Variants in NFX1 observed in about 807,000 individuals in gnomAD.
NFX1 encodes the protein nuclear transcription factor, X-box binding 1.
A neutral mutation model predicts 137.2 loss-of-function variants in NFX1; 69 were observed. The ratio of observed to expected loss-of-function variants is 0.50; its 90% confidence interval spans 0.41 to 0.61. The LOEUF (loss-of-function observed/expected upper bound fraction) is 0.61, where lower values mean the gene tolerates loss of function less well. NFX1 is among the 20% of genes least tolerant of loss of function. The pLI is 0.00. For missense variants in NFX1, 1,167 were observed against 1,391.0 expected (o/e 0.84, Z 2.56); for synonymous variants, 495 against 474.1 (o/e 1.04, Z -0.57).
chr9:33,343,150 T>C (rs968490255), intron 13 of NFX1, among the ~76,000 whole-genome samples: 6 of 152,176 alleles, frequency 3.9e-5, no homozygotes, highest in Admixed American at 3.9e-4. Flanking sequence ...AACAATCTTC[T>C]TTCTCTATAT....
At position 33,370,092 on chromosome 9, in the gene NFX1, T is replaced by A. The variant is rs1379029058; in HGVS notation, c.*114T>A. ...CTGGCAGAATCACAGTCTCACATAC[T>A]GTCTTGTACTGACACATCCAAAGCA... On this transcript the variant is annotated 3_prime_UTR_variant, in exon 24 of 24. Transcript: ENST00000379540. 1.4e-6 allele frequency: 1 copy of A among 731,218 alleles called. No homozygotes were observed. Among genetic ancestry groups the A allele is most frequent in the Non-Finnish European group, 2.3e-6 (1 of 428,804 alleles). The allele number at this position is 731,218 out of a possible 1,614,324, so 45.3% of individuals were successfully genotyped here.
At chr9:33,293,050 A>G (rs1310310708) in intron 1 of NFX1, among the ~76,000 whole-genome samples, 1 of 152,138 alleles carries the variant, frequency 6.6e-6, no homozygotes, top group African/African-American at 2.4e-5. Flanking sequence ...GTGAGAGGTT[A>G]CTCTATGACC....
In NFX1 at chr9:33,332,396, C is replaced by T; in HGVS notation, c.2005-76C>T. ...TGGGATATTTGGGATATTCTTGTTA[C>T]CTATGGCATTATATTATAGTTGTAT... On this transcript the variant is annotated intron_variant, in intron 10 of 23. Transcript: ENST00000379540. 2.9e-6 allele frequency: 4 copies of T among 1,362,640 alleles called. No homozygotes were observed. The South Asian group carries it at 4.9e-5, about 17-fold the overall frequency. 84.4% of individuals were successfully genotyped at this position (1,362,640 alleles called of 1,614,324 possible).
chr9:33,358,482 T>C (rs1823885831), intron 19 of NFX1, among the ~76,000 whole-genome samples: 1 of 151,898 alleles, frequency 6.6e-6, no homozygotes, highest in Non-Finnish European at 1.5e-5. Flanking sequence ...TTTTGTTTAT[T>C]TTGTTTTTGA....
At chr9:33,352,912 A>G in intron 17 of NFX1, 193 bp downstream of exon 17, 1 of 541,782 alleles carries the variant, frequency 1.8e-6, no homozygotes, top group Non-Finnish European at 3.3e-6. Context: ...ACTTTTCTAA[A>G]AGCTGGAAAG....
rs146425876 is a variant in NFX1, at chr9:33,352,003, C to T, written c.2655+213C>T. ...TGATTCAGCAGGTACCCACTGCCACCGGACCACAGTCTGTGTCTCCCTTGG... is the reference window on the plus strand; with the variant it reads ...TGATTCAGCAGGTACCCACTGCCACTGGACCACAGTCTGTGTCTCCCTTGG... On this transcript the variant is annotated intron_variant, in intron 16 of 23. Transcript: ENST00000379540. The T allele has an allele frequency of 1.1e-4, 53 of 497,424 alleles. 1 individual carries two copies. The highest frequency in any genetic ancestry group is 9.9e-4 in the South Asian group (29 of 29,192). The allele number at this position is 497,424 out of a possible 1,614,324, so 30.8% of individuals were successfully genotyped here. A position where few individuals can be genotyped will look rare whatever the true frequency, so the allele number is the denominator to read the frequency against.
At chr9:33,320,320 T>C (rs1014661450) in intron 9 of NFX1, among the ~76,000 whole-genome samples, 6 of 152,158 alleles carry the variant, frequency 3.9e-5, no homozygotes, top group African/African-American at 1.4e-4. Flanking sequence ...TTACTGAAGG[T>C]GTTGTAATTT....
At chr9:33,343,529 A>G (rs1823302478) in intron 13 of NFX1, among the ~76,000 whole-genome samples, 1 of 152,190 alleles carries the variant, frequency 6.6e-6, no homozygotes. Context: ...GAGTATTTTA[A>G]AGATGTTTTC....
Position 33,319,042 on chromosome 9 carries a change from T to G in NFX1, c.1821T>G (p.Leu607=). 1 of 1,614,210 alleles carries G rather than the reference T, an allele frequency of 6.2e-7. No individual in the cohort carries two copies. Among genetic ancestry groups the G allele is most frequent in the Non-Finnish European group, 8.5e-7 (1 of 1,180,032 alleles). Residue 607 remains leucine, a synonymous_variant, in exon 9 of 24, where the codon CTT becomes CTG. Coordinates refer to ENST00000379540, the MANE Select transcript of NFX1 (RefSeq NM_002504.6). ...CTCCTCTCAGCCAATTGCTAGAACTTGGAAGTAGTAGTCGGAAAACATGCA... is the reference window on the plus strand; with the variant it reads ...CTCCTCTCAGCCAATTGCTAGAACTGGGAAGTAGTAGTCGGAAAACATGCA... ...GQTPLSQLLE[L]GSSSRKTCMD... is the part of the protein sequence containing the mutation.
chr9:33,328,338 G>A (rs1053071133), intron 9 of NFX1, among the ~76,000 whole-genome samples: 1 of 151,908 alleles, frequency 6.6e-6, no homozygotes, highest in Non-Finnish European at 1.5e-5. Context: ...TTTTGACTTA[G>A]GCAAATCGTC....
At chr9:33,331,969 A>G (rs894462008) in intron 10 of NFX1, among the ~76,000 whole-genome samples, 1 of 152,202 alleles carries the variant, frequency 6.6e-6, no homozygotes, top group Non-Finnish European at 1.5e-5. Flanking sequence ...TTAGAGGCCA[A>G]ACCAAAGATC....
intron 10 of NFX1, among the ~76,000 whole-genome samples, chr9:33,330,555 C>A (rs977388525): frequency 2.0e-5 from 3 of 152,130 alleles, no homozygotes; most frequent in African/African-American, 7.2e-5. Flanking sequence ...ATTTGGCAAT[C>A]ATAAATTTAG....
intron 21 of NFX1, among the ~76,000 whole-genome samples, chr9:33,366,385 C>T (rs2118703968): frequency 6.6e-6 from 1 of 152,300 alleles, no homozygotes; most frequent in East Asian, 1.9e-4. Context: ...AGTTCACTTA[C>T]CCTTTGTCCC....
chr9:33,369,838 CT>C, intron 23 of NFX1, 67 bp from the exon 24 acceptor site: 1 of 1,113,182 alleles, frequency 9.0e-7, no homozygotes, highest in Non-Finnish European at 1.4e-6. Flanking sequence ...TGATCCTTAA[CT>C]TTCTGAAGTC....
chr9:33,311,584 G>A (rs867365490), intron 6 of NFX1, among the ~76,000 whole-genome samples: 2 of 151,474 alleles, frequency 1.3e-5, no homozygotes, highest in Middle Eastern at 3.4e-3. Context: ...ACGGAGTCTC[G>A]GTCTGTCACC....
At chr9:33,299,421 A>G (rs566151738) in intron 2 of NFX1, among the ~76,000 whole-genome samples, 1 of 152,214 alleles carries the variant, frequency 6.6e-6, no homozygotes, top group South Asian at 2.1e-4. Context: ...ATTTGGTTAA[A>G]TTTCTGTAAT....
chr9:33,369,829 G>A, intron 23 of NFX1, 77 bp from the exon 24 acceptor site: 1 of 997,536 alleles, frequency 1.0e-6, no homozygotes, highest in African/African-American at 1.6e-5. Context: ...TAAATCAGCT[G>A]ATCCTTAACT....
At position 33,341,428 on chromosome 9, in the gene NFX1, G is replaced by A. The variant is rs369587898; in HGVS notation, c.2116-1318G>A. On this transcript the variant is annotated intron_variant, in intron 12 of 23. Transcript: ENST00000379540. ...TACAACATGTGGGAATTCAAGATAA[G>A]ATTTGGGTGGAGACACAGCCAAACT... Among the ~76,000 whole-genome samples the A allele has an allele frequency of 3.9e-5, 6 of 152,242 alleles. No individual in the cohort carries two copies. The East Asian group carries it at 1.2e-3, about 29-fold the overall frequency.
intron 12 of NFX1, among the ~76,000 whole-genome samples, chr9:33,341,364 C>G (rs964210394): frequency 6.6e-6 from 1 of 152,046 alleles, no homozygotes; most frequent in Admixed American, 6.6e-5. Flanking sequence ...GGAAAGACCT[C>G]CCCCACCATG....
Sources: allele counts gnomAD v4.1 joint callset (sites outside exome capture counted in the v4.1 genomes callset), GRCh38; gene constraint gnomAD v4.1.1; transcripts MANE v1.5; gene names NCBI Gene and HGNC (gene_info 2026-07-23, HGNC 2026-07-21).